Variants in PATJ observed in about 807,000 individuals in gnomAD.
PATJ encodes inaD-like protein.
Under a neutral mutation model 224.9 loss-of-function variants are expected in PATJ, and 190 were observed. The ratio of observed to expected loss-of-function variants is 0.84; its 90% CI spans 0.75 to 0.95. The LOEUF (loss-of-function observed/expected upper bound fraction) is 0.95. Ranked by LOEUF, PATJ falls within the 40% of genes least tolerant of loss-of-function variation. The pLI is 0.00. For missense variants in PATJ, 2,121 were observed against 2,270.3 expected, an observed-to-expected ratio of 0.93 and a Z score of 1.34; for synonymous variants, 769 against 820.3, an observed-to-expected ratio of 0.94 and a Z score of 1.07.
At chr1:62,151,804 T>C (rs886170184) in intron 42 of PATJ, among the ~76,000 whole-genome samples, 1 of 152,198 alleles carries the variant, frequency 6.6e-6, no homozygotes, top group Non-Finnish European at 1.5e-5. Flanking sequence ...GAATATGAAC[T>C]ACCTATCATA....
At chr1:61,776,394 A>C (rs1286837) in intron 7 of PATJ, among the ~76,000 whole-genome samples, 60,716 of 152,036 alleles carry the variant, frequency 0.4, 12,690 homozygotes, top group Non-Finnish European at 0.47. Context: ...TTGGTGCAAA[A>C]CAAAGGCAGT....
intron 7 of PATJ, among the ~76,000 whole-genome samples, chr1:61,779,242 G>A (rs964487429): frequency 1.4e-4 from 22 of 152,188 alleles, no homozygotes; most frequent in African/African-American, 5.3e-4. Context: ...TGCCATGGTG[G>A]GGGCTGGCAA....
chr1:62,016,383 C>CAGTA (rs146959515), intron 28 of PATJ, among the ~76,000 whole-genome samples: 7,439 of 152,200 alleles, frequency 0.049, 619 homozygotes, highest in African/African-American at 0.17. Context: ...ATTCCAGAGA[C>CAGTA]AGAACAAATT....
chr1:61,860,034 G>A (rs1276151689), intron 18 of PATJ, among the ~76,000 whole-genome samples: 2 of 152,020 alleles, frequency 1.3e-5, no homozygotes, highest in East Asian at 3.9e-4. Flanking sequence ...AATATATAAT[G>A]GTGATGAGAA....
intron 27 of PATJ, among the ~76,000 whole-genome samples, chr1:61,934,677 A>G (rs1676564856): frequency 6.6e-6 from 1 of 152,202 alleles, no homozygotes; most frequent in African/African-American, 2.4e-5. Flanking sequence ...ATATCATTTT[A>G]ATGTACTTAC....
At chr1:61,859,747 G>T (rs1664264915) in intron 18 of PATJ, among the ~76,000 whole-genome samples, 1 of 152,024 alleles carries the variant, frequency 6.6e-6, no homozygotes, top group South Asian at 2.1e-4. Context: ...AGCCTCCCGA[G>T]TAGCTGAGAT....
intron 11 of PATJ, among the ~76,000 whole-genome samples, chr1:61,800,658 G>T (rs887473864): frequency 9.9e-5 from 15 of 152,088 alleles, no homozygotes; most frequent in African/African-American, 3.1e-4. Context: ...ATGTACATGT[G>T]CCATGTTGGT....
At chr1:61,814,547 TGCGC>T (rs1553168028) in intron 14 of PATJ, among the ~76,000 whole-genome samples, 7 of 142,490 alleles carry the variant, frequency 4.9e-5, no homozygotes, top group African/African-American at 1.3e-4. Context: ...TGTGTGTGTG[TGCGC>T]GCGCGCGCGC....
intron 43 of PATJ, among the ~76,000 whole-genome samples, chr1:62,159,856 T>G (rs1669677269): frequency 6.6e-6 from 1 of 152,104 alleles, no homozygotes; most frequent in South Asian, 2.1e-4. Flanking sequence ...TTTTGAATAT[T>G]CTTTATTGCA....
intron 27 of PATJ, chr1:61,952,427 C>T (rs1194117138): frequency 7.0e-6 from 5 of 717,218 alleles, no homozygotes; most frequent in South Asian, 4.4e-5. Flanking sequence ...ATTTCTGTTG[C>T]CTGTGTGATC....
At chr1:61,893,807 A>C (rs1669946991) in intron 22 of PATJ, among the ~76,000 whole-genome samples, 1 of 151,556 alleles carries the variant, frequency 6.6e-6, no homozygotes, top group Non-Finnish European at 1.5e-5. Context: ...AAAGAAGTGA[A>C]TGCCTATAAT....
chr1:61,922,570 G>A (rs2149266149), intron 26 of PATJ, among the ~76,000 whole-genome samples: 1 of 152,318 alleles, frequency 6.6e-6, no homozygotes, highest in South Asian at 2.1e-4. Flanking sequence ...CCAAGGATTG[G>A]CAGATGCCCT....
At chr1:61,920,351 C>G (rs189486680) in intron 26 of PATJ, among the ~76,000 whole-genome samples, 34 of 152,076 alleles carry the variant, frequency 2.2e-4, no homozygotes, top group Non-Finnish European at 4.4e-4. Context: ...GTGCTACTCT[C>G]GTGATAGTGT....
chr1:62,144,336 C>G (rs375692223), intron 41 of PATJ, among the ~76,000 whole-genome samples: 34 of 152,262 alleles, frequency 2.2e-4, no homozygotes, highest in African/African-American at 7.9e-4. Context: ...ATGCTTCACC[C>G]AAAATGTGTT....
chr1:61,952,855 T>C (rs1241800079), intron 27 of PATJ, among the ~76,000 whole-genome samples: 1 of 152,234 alleles, frequency 6.6e-6, no homozygotes, highest in Non-Finnish European at 1.5e-5. Flanking sequence ...GTTATTCTGG[T>C]TAATTTTAAA....
At chr1:62,085,737 T>C (rs904550946) in intron 33 of PATJ, among the ~76,000 whole-genome samples, 13 of 151,364 alleles carry the variant, frequency 8.6e-5, no homozygotes, top group Admixed American at 7.9e-4. Context: ...GAGGATCACT[T>C]GAGCCCAGGT....
chr1:62,116,629 G>T lies in PATJ; in HGVS notation c.4753G>T (p.Gly1585Trp). The T allele has an allele frequency of 6.2e-7, 1 of 1,613,904 alleles. No homozygotes were observed. The highest frequency in any genetic ancestry group is 8.5e-7 in the Non-Finnish European group (1 of 1,179,918). The change falls in exon 36 of 44, where the codon GGG becomes TGG. Residue 1585 changes from glycine to tryptophan, a missense_variant. By Grantham distance (184) the Gly-to-Trp change is radical. Coordinates refer to ENST00000642238, the MANE Select transcript of PATJ (RefSeq NM_001350145.3). ...GGGAGATCAGATCTTATCTGTGAAT[G>T]GGGAGGACATGAGAAATGCCTCACA... ...IQGDQILSVN[G>W]EDMRNASQET...
At chr1:62,083,809 G>A (rs1003027541) in intron 32 of PATJ, among the ~76,000 whole-genome samples, 12 of 152,104 alleles carry the variant, frequency 7.9e-5, no homozygotes, top group African/African-American at 2.9e-4. Flanking sequence ...CTAATTGAAA[G>A]TATTTAGGCA....
intron 14 of PATJ, among the ~76,000 whole-genome samples, chr1:61,809,135 AGACAACTTC>A (rs1654175124): frequency 6.6e-6 from 1 of 152,210 alleles, no homozygotes; most frequent in South Asian, 2.1e-4. Flanking sequence ...AGGTGCCAGA[AGACAACTTC>A]GACAGTTTTT....
Sources: allele counts gnomAD v4.1 joint callset (sites outside exome capture counted in the v4.1 genomes callset), GRCh38; gene constraint gnomAD v4.1.1; transcripts MANE v1.5; gene names NCBI Gene and HGNC (gene_info 2026-07-23, HGNC 2026-07-21).